Variants in PACSIN1 observed in about 807,000 individuals in gnomAD.
PACSIN1 encodes protein kinase C and casein kinase substrate in neurons 1.
In PACSIN1, 15 loss-of-function variants were observed where a neutral mutation model predicts 59.5. The ratio of observed to expected loss-of-function variants is 0.25; its 90% CI spans 0.17 to 0.39. The LOEUF (loss-of-function observed/expected upper bound fraction) is 0.39, where lower values mean the gene tolerates loss of function less well. PACSIN1 is among the 10% of genes least tolerant of loss of function. PACSIN1 has a pLI of 1.00. For synonymous variants in PACSIN1, 210 were observed against 220.6 expected, an observed-to-expected ratio of 0.95 and a Z score of 0.42; for missense variants, 420 against 580.2, an observed-to-expected ratio of 0.72 and a Z score of 2.84.
At chr6:34,501,805 T>C (rs4713803) in intron 1 of PACSIN1, among the ~76,000 whole-genome samples, 151,890 of 152,184 alleles carry the variant, frequency 1, 75,799 homozygotes, top group Middle Eastern at 1. Context: ...CCGAGGAGGG[T>C]GGATCAAGAG....
intron 1 of PACSIN1, among the ~76,000 whole-genome samples, chr6:34,467,061 T>G (rs970444693): frequency 6.6e-6 from 1 of 152,182 alleles, no homozygotes; most frequent in African/African-American, 2.4e-5. Flanking sequence ...GTGACACATA[T>G]GGCCGCTTAT....
intron 1 of PACSIN1, among the ~76,000 whole-genome samples, chr6:34,477,353 G>GAAGA (rs902889888): frequency 6.1e-5 from 9 of 148,424 alleles, no homozygotes; most frequent in Admixed American, 2.7e-4. Context: ...AAAAGAAAAA[G>GAAGA]AAGAAAGAAA....
At chr6:34,509,397 T>C (rs1767165374) in intron 1 of PACSIN1, among the ~76,000 whole-genome samples, 1 of 152,198 alleles carries the variant, frequency 6.6e-6, no homozygotes. Context: ...TTTATTTATT[T>C]ATGTATTGCT....
intron 4 of PACSIN1, 30 bp downstream of exon 4, chr6:34,528,907 T>TGGGGGGGGCCGGGGGGGGGGG: frequency 4.0e-6 from 1 of 250,436 alleles, no homozygotes; most frequent in Non-Finnish European, 7.9e-6. Context: ...ACGGGCGGGG[T>TGGGGGGGGCCGGGGGGGGGGG]GGGGTGGGCC....
rs775372661 is a variant in PACSIN1 at position 34,518,254 on chromosome 6, G to A, written c.-63-7989G>A. Among the ~76,000 whole-genome samples the A allele has an allele frequency of 3.2e-4, 49 of 152,230 alleles. No individual in the cohort carries two copies. Among genetic ancestry groups the A allele is most frequent in the African/African-American group, 9.4e-4 (39 of 41,466 alleles). ...CTTGAGTTCCCTGTGTTGCAAAAAC[G>A]TGCTGCGCACTCCCACCAGGAGTGT... On this transcript the variant is annotated intron_variant, in intron 1 of 9. Coordinates refer to ENST00000244458, the MANE Select transcript of PACSIN1 (RefSeq NM_020804.5). The surrounding 1 kb of genome is among the most constrained non-coding windows in gnomAD (Gnocchi z 4.4).
chr6:34,469,898 C>T (rs958287988), intron 1 of PACSIN1, among the ~76,000 whole-genome samples: 6 of 152,166 alleles, frequency 3.9e-5, no homozygotes, highest in African/African-American at 1.4e-4. Context: ...TTGCTGGTGC[C>T]GTTTCCAGAA....
chr6:34,529,370 C>T lies in PACSIN1; in HGVS notation c.457-27C>T, dbSNP rs1409612465. On this transcript the variant is annotated intron_variant, in intron 4 of 9. Transcript: ENST00000244458. The surrounding 1 kb of genome is among the most constrained non-coding windows in gnomAD (Gnocchi z 6.3). ...TTGCTGCTGGTCACAAATGAAAACC[C>T]TACTCCCTATTCCCCCCTCCCCACA... The T allele has an allele frequency of 6.2e-7, 1 of 1,612,946 alleles. No individual in the cohort carries two copies. Among genetic ancestry groups the T allele is most frequent in the Non-Finnish European group, 8.5e-7 (1 of 1,179,196 alleles).
chr6:34,530,220 C>T lies in PACSIN1; in HGVS notation c.789-23C>T, dbSNP rs975003947. 1.9e-6 allele frequency: 3 copies of T among 1,595,596 alleles called. No individual in the cohort carries two copies. The highest frequency in any genetic ancestry group is 3.4e-5 in the Admixed American group (2 of 59,010). On this transcript the variant is annotated intron_variant, in intron 6 of 9. Coordinates refer to ENST00000244458, the MANE Select transcript of PACSIN1 (RefSeq NM_020804.5). The surrounding 1 kb of genome is among the most constrained non-coding windows in gnomAD (Gnocchi z 4.4). ...GCCATGTTGAATCTGTGCCCTCCACCTCCCCCATCTCCCTGAGCACAGCTA... is the reference window on the plus strand; with the variant it reads ...GCCATGTTGAATCTGTGCCCTCCACTTCCCCCATCTCCCTGAGCACAGCTA...
chr6:34,491,142 T>G lies in PACSIN1; in HGVS notation c.-64+24872T>G, dbSNP rs538374016. Among the ~76,000 whole-genome samples the G allele has an allele frequency of 5.3e-5, 8 of 152,236 alleles. 1 individual carries two copies. The East Asian group carries it at 7.7e-4, about 15-fold the overall frequency. The stretch of plus-strand genomic sequence containing the variant: ...CATAACTGCGCCCTGGGCCCGCTCC[T>G]CAGCTTTTTCCTCTCCAGCTGCAGG... On this transcript the variant is annotated intron_variant, in intron 1 of 9. Coordinates refer to ENST00000244458, the MANE Select transcript of PACSIN1 (RefSeq NM_020804.5).
At position 34,527,482 on chromosome 6, in the gene PACSIN1, G is replaced by C. The variant is rs1767510141; in HGVS notation, c.214G>C (p.Glu72Gln). 1 of 1,590,140 alleles carries C rather than the reference G, an allele frequency of 6.3e-7. No homozygotes were observed. Among genetic ancestry groups the C allele is most frequent in the Admixed American group, 1.8e-5 (1 of 56,484 alleles). ...DWAKRWRQLI[E>Q]KGPQYGSLER... is the part of the protein sequence containing the mutation. ...GGCCAAGCGTTGGCGCCAGCTCATC[G>C]AGAAAGGTGCTCCCCCAGGCTCACA... Residue 72 changes from glutamate to glutamine, a missense_variant, in exon 3 of 10, where the codon GAG (glutamate) becomes CAG (glutamine). Transcript: ENST00000244458.
In PACSIN1 at chr6:34,529,603, G is replaced by A. The variant is rs761206181; in HGVS notation, c.612+51G>A. 1 of 1,612,552 alleles carries A rather than the reference G, an allele frequency of 6.2e-7. No individual in the cohort carries two copies. The highest frequency in any genetic ancestry group is 1.7e-5 in the Admixed American group (1 of 59,990). ...GGGGGTCTGGGGGCCCCTTGCAGAG[G>A]GTGGTGGCTGGGAGCTGCAGGCCTG... On this transcript the variant is annotated intron_variant, in intron 5 of 9. Coordinates refer to ENST00000244458, the MANE Select transcript of PACSIN1 (RefSeq NM_020804.5). The surrounding 1 kb of genome is among the most constrained non-coding windows in gnomAD (Gnocchi z 6.3).
chr6:34,524,897 C>A (rs556370922), intron 1 of PACSIN1, among the ~76,000 whole-genome samples: 1 of 152,258 alleles, frequency 6.6e-6, no homozygotes, highest in Admixed American at 6.5e-5. Context: ...TGCCCGCCCC[C>A]CAGCAGCCCC....
At position 34,514,570 on chromosome 6, in the gene PACSIN1, T is replaced by C. The variant is rs1312531485; in HGVS notation, c.-63-11673T>C. Among the ~76,000 whole-genome samples the C allele has an allele frequency of 1.3e-5, 2 of 150,710 alleles. No homozygotes were observed. The highest frequency in any genetic ancestry group is 2.4e-5 in the African/African-American group (1 of 40,906). On this transcript the variant is annotated intron_variant, in intron 1 of 9. Transcript: ENST00000244458. This position sits in a 1 kb window ranked among gnomAD's most constrained non-coding sequence, Gnocchi z 4.4. ...GCTGTCTGGAAGGACGATTGGGAGGTGGGATCTTGGGGAGAAAGGGAAGAA... is the reference window on the plus strand; with the variant it reads ...GCTGTCTGGAAGGACGATTGGGAGGCGGGATCTTGGGGAGAAAGGGAAGAA...
chr6:34,509,425 T>C, intron 1 of PACSIN1, among the ~76,000 whole-genome samples: 1 of 152,206 alleles, frequency 6.6e-6, no homozygotes, highest in Middle Eastern at 3.2e-3. Context: ...ATAATATGCA[T>C]ATATGTCTGT....
At chr6:34,506,254 G>C (rs559544661) in intron 1 of PACSIN1, among the ~76,000 whole-genome samples, 70 of 152,144 alleles carry the variant, frequency 4.6e-4, no homozygotes, top group Middle Eastern at 6.8e-3. Context: ...ATCTTGCTCT[G>C]TTGCCCAGGC....
intron 1 of PACSIN1, among the ~76,000 whole-genome samples, chr6:34,487,359 C>T (rs1766809954): frequency 6.6e-6 from 1 of 152,194 alleles, no homozygotes; most frequent in Non-Finnish European, 1.5e-5. Flanking sequence ...TGTTATGGAA[C>T]TTCACAGACA....
rs1043954406 is a variant in PACSIN1 at position 34,534,002 on chromosome 6, T to A, written c.*1472T>A. The A allele has an allele frequency of 2.6e-5, 4 of 152,400 alleles. No individual in the cohort carries two copies. The highest frequency in any genetic ancestry group is 9.7e-5 in the African/African-American group (4 of 41,448). The allele number at this position is 152,400 out of a possible 1,614,324, so 9.4% of individuals were successfully genotyped here. ...CTTGGGGACCTCTGGGGCAAGGAGC[T>A]GAGAAGTCCTGCAGCACCAGGTGAG... is the stretch of plus-strand genomic sequence containing the variant. On this transcript the variant is annotated 3_prime_UTR_variant, in exon 10 of 10. Transcript: ENST00000244458.
intron 1 of PACSIN1, among the ~76,000 whole-genome samples, chr6:34,511,420 T>C (rs1767201381): frequency 6.6e-6 from 1 of 152,192 alleles, no homozygotes; most frequent in Non-Finnish European, 1.5e-5. Context: ...AGCGAGGCCT[T>C]AACTGCCCAG....
At chr6:34,499,678 C>G (rs1194042496) in intron 1 of PACSIN1, among the ~76,000 whole-genome samples, 1 of 151,892 alleles carries the variant, frequency 6.6e-6, no homozygotes, top group Non-Finnish European at 1.5e-5. Flanking sequence ...CACCTGTAAT[C>G]CCAGGTACTC....
Sources: gnomAD v4.1 joint callset for allele counts (sites outside exome capture counted in the v4.1 genomes callset) on GRCh38, gnomAD v4.1.1 for gene constraint, Gnocchi (gnomAD v3.1) non-coding constraint, MANE v1.5 for transcripts, NCBI Gene and HGNC (gene_info 2026-07-23, HGNC 2026-07-21) for gene names.